The following CLXN variants were observed in gnomAD, a reference collection of about 807,000 sequenced individuals.
CLXN encodes the protein calaxin.
chr8:48,733,322 A>C, the CLXN span, among the ~76,000 whole-genome samples: 2 of 152,210 alleles, frequency 1.3e-5, no homozygotes, highest in Non-Finnish European at 2.9e-5. Context: ...GGTTAGCCAT[A>C]AGAAAACTTT....
the CLXN span, chr8:48,724,780 G>C: frequency 6.2e-7 from 1 of 1,611,688 alleles, no homozygotes; most frequent in Non-Finnish European, 8.5e-7. Flanking sequence ...TTGAATACTT[G>C]AGCTTCAAAT....
At chr8:48,731,415 A>G in the CLXN span, 2 of 1,613,694 alleles carry the variant, frequency 1.2e-6, no homozygotes, top group Non-Finnish European at 1.7e-6. Context: ...ATGCATTACG[A>G]TCCAGTCCAA....
the CLXN span, among the ~76,000 whole-genome samples, chr8:48,712,886 G>A: frequency 1.0e-3 from 156 of 151,570 alleles, no homozygotes; most frequent in African/African-American, 3.7e-3. Context: ...TGTATTCCTA[G>A]CTACTCAGAA....
chr8:48,729,877 T>C, the CLXN span: 1 of 1,599,748 alleles, frequency 6.3e-7, no homozygotes. Flanking sequence ...GCAATCTTTT[T>C]AAGAAAATAA....
the CLXN span, among the ~76,000 whole-genome samples, chr8:48,732,239 G>A: frequency 6.6e-6 from 1 of 152,110 alleles, no homozygotes; most frequent in African/African-American, 2.4e-5. Flanking sequence ...GTTATTGCCT[G>A]GTCTTGATAA....
chr8:48,727,812 T>C, the CLXN span, among the ~76,000 whole-genome samples: 2 of 152,090 alleles, frequency 1.3e-5, no homozygotes, highest in Non-Finnish European at 2.9e-5. Flanking sequence ...CTAGGTAACA[T>C]ATAACAGTGG....
the CLXN span, chr8:48,734,438 A>T: frequency 2.0e-5 from 3 of 152,192 alleles, no homozygotes; most frequent in East Asian, 5.8e-4. Flanking sequence ...GGTGCCTTCA[A>T]ATAGGGCTCA....
At chr8:48,734,979 T>C in the CLXN span, 10 of 1,205,286 alleles carry the variant, frequency 8.3e-6, no homozygotes, top group Non-Finnish European at 1.2e-5. Flanking sequence ...GGGCGGTAGG[T>C]AGCCCACAGA....
At chr8:48,731,059 A>G in the CLXN span, among the ~76,000 whole-genome samples, 2 of 152,190 alleles carry the variant, frequency 1.3e-5, no homozygotes, top group Non-Finnish European at 2.9e-5. Context: ...ATGTCCTTTT[A>G]AAACTATTCT....
chr8:48,729,692 TA>T, the CLXN span: 1 of 1,567,046 alleles, frequency 6.4e-7, no homozygotes, highest in Non-Finnish European at 8.7e-7. Flanking sequence ...CAAATTTTAA[TA>T]AAAAACTTGA....
the CLXN span, chr8:48,729,693 A>T: frequency 6.4e-7 from 1 of 1,566,724 alleles, no homozygotes; most frequent in Non-Finnish European, 8.7e-7. Context: ...AAATTTTAAT[A>T]AAAAACTTGA....
At chr8:48,726,886 T>C in the CLXN span, among the ~76,000 whole-genome samples, 1 of 146,680 alleles carries the variant, frequency 6.8e-6, no homozygotes, top group African/African-American at 2.5e-5. Context: ...TCTATCTATC[T>C]ATCTATCTAT....
chr8:48,731,897 T>C, the CLXN span, among the ~76,000 whole-genome samples: 1 of 152,166 alleles, frequency 6.6e-6, no homozygotes, highest in Non-Finnish European at 1.5e-5. Flanking sequence ...TCCCTGGAAA[T>C]AGATGTCAGA....
the CLXN span, chr8:48,729,008 TTTGA>T: frequency 2.0e-6 from 3 of 1,529,126 alleles, no homozygotes; most frequent in East Asian, 6.8e-5. Context: ...TACATTCTAC[TTTGA>T]TTACCGTTCA....
chr8:48,723,265 G>A, the CLXN span: 1 of 152,074 alleles, frequency 6.6e-6, no homozygotes, highest in South Asian at 2.1e-4. Flanking sequence ...AATATATACA[G>A]TTTTAAATTA....
chr8:48,712,785 G>T, the CLXN span, among the ~76,000 whole-genome samples: 1 of 152,106 alleles, frequency 6.6e-6, no homozygotes, highest in Non-Finnish European at 1.5e-5. Context: ...CAGATCACAA[G>T]GTCAGGAGTT....
the CLXN span, among the ~76,000 whole-genome samples, chr8:48,733,329 C>T: frequency 1.3e-5 from 2 of 152,116 alleles, no homozygotes; most frequent in African/African-American, 4.8e-5. Context: ...CATAAGAAAA[C>T]TTTTATTGCT....
At chr8:48,712,110 C>T in the CLXN span, 2 of 152,298 alleles carry the variant, frequency 1.3e-5, no homozygotes, top group East Asian at 3.9e-4. Context: ...TCCCAGACTT[C>T]CCAGTGCTTT....
chr8:48,727,719 C>T, the CLXN span, among the ~76,000 whole-genome samples: 3 of 152,068 alleles, frequency 2.0e-5, no homozygotes, highest in Admixed American at 6.5e-5. Flanking sequence ...GGCCTGGCAG[C>T]ATTTGCATTT....
Sources: gnomAD v4.1 joint callset for allele counts (sites outside exome capture counted in the v4.1 genomes callset) on GRCh38, gnomAD v4.1.1 for gene constraint, MANE v1.5 for transcripts, NCBI Gene and HGNC (gene_info 2026-07-23, HGNC 2026-07-21) for gene names.